PCDHA6: variants seen among roughly 807,000 people sequenced by gnomAD.
The protein encoded by PCDHA6 is protocadherin alpha 6.
Under a neutral mutation model 60.3 loss-of-function variants are expected in PCDHA6, and 55 were observed. That is an observed-to-expected ratio of 0.91 (90% confidence interval 0.73 to 1.14). PCDHA6 has a LOEUF of 1.14. Among genes scored for constraint, PCDHA6 ranks in the 50% most tolerant of loss-of-function variants. The probability of loss-of-function intolerance (pLI) is 0.00; values close to 1 mark genes in which losing one functional copy is unlikely to be tolerated. For missense variants in PCDHA6, 1,327 were observed against 1,256.5 expected, an observed-to-expected ratio of 1.06 and a Z score of -0.85; for synonymous variants, 652 against 557.9, an observed-to-expected ratio of 1.17 and a Z score of -2.38.
At chr5:140,891,827 A>G (rs943963989) in intron 1 of PCDHA6, among the ~76,000 whole-genome samples, 1 of 152,212 alleles carries the variant, frequency 6.6e-6, no homozygotes, top group Non-Finnish European at 1.5e-5. Flanking sequence ...ACGGCACTGT[A>G]AAAGGACTTG....
chr5:140,971,000 T>G (rs1409787417), intron 1 of PCDHA6, among the ~76,000 whole-genome samples: 2 of 152,196 alleles, frequency 1.3e-5, no homozygotes, highest in African/African-American at 4.8e-5. Flanking sequence ...ATCAAAGAGT[T>G]TCCAGAAGTC....
intron 1 of PCDHA6, chr5:140,850,192 T>A (rs2150472322): frequency 6.3e-7 from 1 of 1,593,512 alleles, no homozygotes. Flanking sequence ...CCGGCGCTGC[T>A]GACACCTCGG....
At position 140,845,457 on chromosome 5, in the gene PCDHA6, T is replaced by C. The variant is rs1172652136; in HGVS notation, c.2394+14972T>C. 2.0e-5 allele frequency among the ~76,000 whole-genome samples: 3 copies of C among 149,680 alleles called. 1 individual carries two copies. The highest frequency in any genetic ancestry group is 4.5e-5 in the Non-Finnish European group (3 of 66,882). ...TTAGTTCTGTTTTTCTTCAACTCTC[T>C]GATATTTGAATTTGGGGTTGTGCTT... On this transcript the variant is annotated intron_variant, in intron 1 of 3. Coordinates refer to ENST00000529310, the MANE Select transcript of PCDHA6 (RefSeq NM_018909.4).
intron 1 of PCDHA6, among the ~76,000 whole-genome samples, chr5:140,922,066 C>A (rs1438475640): frequency 2.0e-5 from 3 of 151,528 alleles, no homozygotes; most frequent in Non-Finnish European, 4.4e-5. Context: ...TGTAGCAATC[C>A]CACTAAGCAA....
chr5:140,988,642 T>C (rs981488031), intron 3 of PCDHA6, among the ~76,000 whole-genome samples: 22 of 152,212 alleles, frequency 1.4e-4, no homozygotes, highest in African/African-American at 5.3e-4. Context: ...TTTCTGAAAT[T>C]AAACATTTTT....
In PCDHA6 at chr5:140,842,698, G is replaced by C. The variant is rs2150342332; in HGVS notation, c.2394+12213G>C. On this transcript the variant is annotated intron_variant, in intron 1 of 3. Transcript: ENST00000529310. ...ATGCTCCGGCGTTCGCGCAGCCCGA[G>C]TACACGGTGTTCGTGAAGGAGAACA... The C allele has an allele frequency of 9.4e-6, 15 of 1,595,366 alleles. 2 individuals carry two copies. The highest frequency in any genetic ancestry group is 4.3e-6 in the Non-Finnish European group (5 of 1,165,528).
chr5:140,856,809 A>G lies in PCDHA6; in HGVS notation c.2394+26324A>G, dbSNP rs782118456. 11 of 1,594,544 alleles carry G rather than the reference A, an allele frequency of 6.9e-6. No homozygotes were observed. The African/African-American group carries it at 1.3e-4, about 20-fold the overall frequency. ...TATGAAGTTAAGATGTATGAAAATCAAGTGAACCAAACATTAGTAATACGG... is the reference window on the plus strand; with the variant it reads ...TATGAAGTTAAGATGTATGAAAATCGAGTGAACCAAACATTAGTAATACGG... On this transcript the variant is annotated intron_variant, in intron 1 of 3. Coordinates refer to ENST00000529310, the MANE Select transcript of PCDHA6 (RefSeq NM_018909.4).
chr5:140,904,685 G>A (rs2071317723), intron 1 of PCDHA6, among the ~76,000 whole-genome samples: 1 of 152,104 alleles, frequency 6.6e-6, no homozygotes, highest in African/African-American at 2.4e-5. Context: ...CCCACCAGCA[G>A]TGTAAAATTG....
intron 3 of PCDHA6, among the ~76,000 whole-genome samples, chr5:140,998,936 A>G (rs1328813980): frequency 6.6e-5 from 10 of 152,246 alleles, no homozygotes; most frequent in African/African-American, 2.4e-4. Flanking sequence ...TTACAGATGA[A>G]GAAACTGTAA....
chr5:140,837,118 A>G (rs1774921021), intron 1 of PCDHA6: 2 of 157,076 alleles, frequency 1.3e-5, no homozygotes, highest in Non-Finnish European at 2.8e-5. Flanking sequence ...TATGTTACCT[A>G]ATATTTTATT....
intron 1 of PCDHA6, among the ~76,000 whole-genome samples, chr5:140,904,728 T>G (rs1357605257): frequency 6.6e-6 from 1 of 152,198 alleles, no homozygotes; most frequent in Non-Finnish European, 1.5e-5. Flanking sequence ...CCAACATCTA[T>G]TATTTTTTTA....
Position 140,829,270 on chromosome 5 carries a change from C to G in PCDHA6, c.1179C>G (p.Val393=), listed in dbSNP as rs2150165007. 2.5e-6 allele frequency: 4 copies of G among 1,614,142 alleles called. No homozygotes were observed. Among genetic ancestry groups the G allele is most frequent in the African/African-American group, 1.3e-5 (1 of 74,954 alleles). Residue 393 remains valine (V), a synonymous_variant, in exon 1 of 4, where the codon GTC becomes GTG. Coordinates refer to ENST00000529310, the MANE Select transcript of PCDHA6 (RefSeq NM_018909.4). ...TGAACTGCTCGCTGACGCCTCACGTCCCTTTCAAGCTGGTGTCCACCTTCA... is the reference window on the plus strand; with the variant it reads ...TGAACTGCTCGCTGACGCCTCACGTGCCTTTCAAGCTGGTGTCCACCTTCA... ...GQVNCSLTPH[V]PFKLVSTFKN...
chr5:140,842,587 G>A (rs1778112450), intron 1 of PCDHA6: 1 of 1,529,428 alleles, frequency 6.5e-7, no homozygotes, highest in Non-Finnish European at 8.9e-7. Flanking sequence ...CGGCCTATGA[G>A]TTGGTGGTAA....
chr5:141,010,455 T>G lies in PCDHA6; in HGVS notation c.*518T>G. The stretch of plus-strand genomic sequence containing the variant: ...AACAAAGACAAATAAACAGCGGAAG[T>G]TATCAGTATGGAGGGGAAGTGTAAA... On this transcript the variant is annotated 3_prime_UTR_variant, in exon 4 of 4. Transcript: ENST00000529310. 1 of 883,470 alleles carries G rather than the reference T, an allele frequency of 1.1e-6. No homozygotes were observed. Among genetic ancestry groups the G allele is most frequent in the South Asian group, 1.9e-5 (1 of 53,228 alleles). 54.7% of individuals were successfully genotyped at this position (883,470 alleles called of 1,614,324 possible). A position where few individuals can be genotyped will look rare whatever the true frequency, so the allele number is the denominator to read the frequency against.
intron 1 of PCDHA6, among the ~76,000 whole-genome samples, chr5:140,917,830 G>A (rs2078377355): frequency 6.6e-6 from 1 of 151,722 alleles, no homozygotes; most frequent in Admixed American, 6.6e-5. Flanking sequence ...GTAGTGTGAT[G>A]TCCTTCTTGT....
intron 1 of PCDHA6, chr5:140,967,149 C>A (rs781864120): frequency 1.3e-5 from 21 of 1,610,890 alleles, no homozygotes; most frequent in Non-Finnish European, 1.7e-5. Flanking sequence ...GCGCACAACC[C>A]CGTGGCGGTG....
At chr5:140,991,782 C>A (rs1257930918) in intron 3 of PCDHA6, among the ~76,000 whole-genome samples, 1 of 152,158 alleles carries the variant, frequency 6.6e-6, no homozygotes, top group Non-Finnish European at 1.5e-5. Flanking sequence ...AGACTCTGCC[C>A]ATTTCCCAAT....
chr5:140,858,371 C>G, intron 1 of PCDHA6: 1 of 1,588,766 alleles, frequency 6.3e-7, no homozygotes, highest in Non-Finnish European at 8.6e-7. Context: ...CCCCAGCCTT[C>G]CACCATGCCC....
At chr5:140,871,465 CAG>C in intron 1 of PCDHA6, 1 of 1,602,850 alleles carries the variant, frequency 6.2e-7, no homozygotes, top group Non-Finnish European at 8.5e-7. Flanking sequence ...AGGGGAAAGA[CAG>C]GAGCCAGGGT....
Sources: allele counts gnomAD v4.1 joint callset (sites outside exome capture counted in the v4.1 genomes callset), GRCh38; gene constraint gnomAD v4.1.1; transcripts MANE v1.5; gene names NCBI Gene and HGNC (gene_info 2026-07-23, HGNC 2026-07-21).